ADNP: variants seen among roughly 807,000 people sequenced by gnomAD.
ADNP encodes the protein activity dependent neuroprotector homeobox, also known as activity-dependent neuroprotector homeobox protein.
Under a neutral mutation model 84.9 loss-of-function variants are expected in ADNP, and 4 were observed. That is an observed-to-expected ratio of 0.05 (90% CI 0.02 to 0.11). The LOEUF (loss-of-function observed/expected upper bound fraction) is 0.11, where lower values mean the gene tolerates loss of function less well. Ranked by LOEUF, ADNP falls within the 10% of genes least tolerant of loss-of-function variation. The pLI, the probability that ADNP is intolerant of heterozygous loss-of-function variation, is 1.00. For missense variants in ADNP, 1,132 were observed against 1,326.0 expected (o/e 0.85, Z 2.27); for synonymous variants, 554 against 468.1 (o/e 1.18, Z -2.37).
intron 2 of ADNP, chr20:50,913,939 C>T (rs1034560033): frequency 5.1e-5 from 35 of 681,960 alleles, no homozygotes; most frequent in African/African-American, 1.3e-4. Flanking sequence ...AAAGACTATG[C>T]GAGATTGGTC....
rs1980945363 is a variant in ADNP, at chr20:50,892,910, C to A, written c.1804G>T (p.Asp602Tyr). The A allele has an allele frequency of 1.9e-6, 3 of 1,614,104 alleles. No individual in the cohort carries two copies. The highest frequency in any genetic ancestry group is 2.5e-6 in the Non-Finnish European group (3 of 1,180,062). The change falls in exon 6 of 6, where the codon GAT (aspartate) becomes TAT (tyrosine). Residue 602 changes from aspartate (D) to tyrosine (Y), a missense_variant. Around this residue, in one of 10 missense-constraint regions of ADNP, gnomAD observed 53 missense variants for 39.8 expected, o/e 1.33. Transcript: ENST00000621696. ...KPQPKVQEKA[D>Y]IPVKSSPQAA... is the part of the protein sequence containing the mutation. ...TGAGGTGAACTTTTTACAGGGATAT[C>A]TGCCTTTTCCTGAACCTTTGGCTGT...
Position 50,890,957 on chromosome 20 carries a change from T to C in ADNP, c.*448A>G. On this transcript the variant is annotated 3_prime_UTR_variant, in exon 6 of 6. Transcript: ENST00000621696. ...CTAAAAGACTGTACAAATATACATT[T>C]CAACTATTCAGAATGAATACATGAA... The C allele has an allele frequency of 1.0e-6, 1 of 989,738 alleles. No homozygotes were observed. Among genetic ancestry groups the C allele is most frequent in the African/African-American group, 1.7e-5 (1 of 57,462 alleles). The allele number at this position is 989,738 out of a possible 1,614,324, so 61.3% of individuals were successfully genotyped here.
intron 2 of ADNP, among the ~76,000 whole-genome samples, chr20:50,913,471 T>TG (rs1371985199): frequency 6.6e-6 from 1 of 152,144 alleles, no homozygotes; most frequent in African/African-American, 2.4e-5. Flanking sequence ...TAACCCCCAC[T>TG]GGGGTTTAAG....
intron 2 of ADNP, among the ~76,000 whole-genome samples, chr20:50,910,070 G>A (rs1243204133): frequency 2.0e-5 from 3 of 152,088 alleles, no homozygotes; most frequent in East Asian, 1.9e-4. Context: ...CTGGGCAGGC[G>A]GACACAGAAG....
intron 2 of ADNP, among the ~76,000 whole-genome samples, chr20:50,912,168 AT>A (rs544254919): frequency 6.6e-6 from 1 of 152,010 alleles, no homozygotes; most frequent in South Asian, 2.1e-4. Flanking sequence ...TTCAAACCTT[AT>A]TTTTTTTGAG....
rs970233004 is a variant in ADNP, at chr20:50,902,231, G to C, written c.109-122C>G. The C allele has an allele frequency of 1.3e-5, 9 of 678,424 alleles. No homozygotes were observed. The Admixed American group carries it at 2.5e-4, about 19-fold the overall frequency. 42.0% of individuals were successfully genotyped at this position (678,424 alleles called of 1,614,324 possible). A position where few individuals can be genotyped will look rare whatever the true frequency, so the allele number is the denominator to read the frequency against. ...GCACAGGAAAACCAACGTCAACAAGGACTTAAACTAGGAGTGATAAGGCTC... is the reference window on the plus strand; with the variant it reads ...GCACAGGAAAACCAACGTCAACAAGCACTTAAACTAGGAGTGATAAGGCTC... On this transcript the variant is annotated intron_variant, in intron 4 of 5. Coordinates refer to ENST00000621696, the MANE Select transcript of ADNP (RefSeq NM_001282531.3).
Position 50,892,977 on chromosome 20 carries a change from A to C in ADNP, c.1737T>G (p.Val579=). ...YNLRDAPAES[V]AYHAQNNPPV... The stretch of plus-strand genomic sequence containing the variant: ...GAGGATTATTTTGGGCATGGTAAGC[A>C]ACAGATTCAGCTGGGGCATCCCTCA... Residue 579 remains valine (V), a synonymous_variant, in exon 6 of 6, where the codon GTT becomes GTG. Coordinates refer to ENST00000621696, the MANE Select transcript of ADNP (RefSeq NM_001282531.3). The C allele has an allele frequency of 1.9e-6, 3 of 1,614,220 alleles. No homozygotes were observed. The highest frequency in any genetic ancestry group is 2.5e-6 in the Non-Finnish European group (3 of 1,180,048).
chr20:50,909,363 C>CAAAAAAAAAAAAAAAAAAAAAAAAA lies in ADNP; in HGVS notation c.-89-4539_-89-4515dup, dbSNP rs3069819. 5 of 44,354 alleles carry CAAAAAAAAAAAAAAAAAAAAAAAAA rather than the reference C, an allele frequency of 1.1e-4. 1 individual carries two copies. The highest frequency in any genetic ancestry group is 4.3e-4 in the Admixed American group (1 of 2,340). 2.7% of individuals were successfully genotyped at this position (44,354 alleles called of 1,614,324 possible). The stretch of plus-strand genomic sequence containing the variant: ...GTGGGCGACAAGAGTAAAACTGTCT[C>CAAAAAAAAAAAAAAAAAAAAAAAAA]AAAAAAAAAAAAAAAAAAAAAAAAA... On this transcript the variant is annotated intron_variant, in intron 2 of 5. Transcript: ENST00000621696.
At chr20:50,907,030 C>T (rs1382128410) in intron 2 of ADNP, among the ~76,000 whole-genome samples, 3 of 145,134 alleles carry the variant, frequency 2.1e-5, no homozygotes, top group African/African-American at 5.1e-5. Flanking sequence ...TGCAGTGTCA[C>T]GATCTTGGCT....
chr20:50,896,112 C>A (rs1981363630), intron 5 of ADNP, among the ~76,000 whole-genome samples: 1 of 151,998 alleles, frequency 6.6e-6, no homozygotes, highest in South Asian at 2.1e-4. Flanking sequence ...GTAATCCCAG[C>A]TACTCGGGAG....
intron 2 of ADNP, among the ~76,000 whole-genome samples, chr20:50,913,144 T>A (rs889198000): frequency 1.3e-5 from 2 of 150,214 alleles, no homozygotes; most frequent in Admixed American, 6.7e-5. Flanking sequence ...TCCCAGCTAT[T>A]TGGGAGGCTG....
At chr20:50,923,569 G>A (rs1984096743) in intron 2 of ADNP, among the ~76,000 whole-genome samples, 1 of 152,078 alleles carries the variant, frequency 6.6e-6, no homozygotes, top group Non-Finnish European at 1.5e-5. Context: ...CCAGGCTAGA[G>A]TGCAGTGGTG....
chr20:50,913,172 G>A (rs1983197865), intron 2 of ADNP, among the ~76,000 whole-genome samples: 1 of 135,720 alleles, frequency 7.4e-6, no homozygotes, highest in African/African-American at 2.7e-5. Context: ...AGAATCGTTT[G>A]AACCTAGGAG....
In ADNP at chr20:50,890,630, A is replaced by G. The variant is rs978298234; in HGVS notation, c.*775T>C. 6.5e-6 allele frequency: 1 copy of G among 152,742 alleles called. No individual in the cohort carries two copies. Among genetic ancestry groups the G allele is most frequent in the African/African-American group, 2.4e-5 (1 of 41,468 alleles). 9.5% of individuals were successfully genotyped at this position (152,742 alleles called of 1,614,324 possible). A position where few individuals can be genotyped will look rare whatever the true frequency, so the allele number is the denominator to read the frequency against. On this transcript the variant is annotated 3_prime_UTR_variant, in exon 6 of 6. Coordinates refer to ENST00000621696, the MANE Select transcript of ADNP (RefSeq NM_001282531.3). ...TGATTTTAGCTTAAAAGATTTCAGAAAACAGATCTGAAATACCAGTTTTTG... is the reference window on the plus strand; with the variant it reads ...TGATTTTAGCTTAAAAGATTTCAGAGAACAGATCTGAAATACCAGTTTTTG...
At chr20:50,928,109 A>C (rs926284000) in intron 2 of ADNP, among the ~76,000 whole-genome samples, 1 of 152,198 alleles carries the variant, frequency 6.6e-6, no homozygotes, top group Non-Finnish European at 1.5e-5. Flanking sequence ...TCACTCACCA[A>C]AATGTTACCT....
At chr20:50,913,264 A>AAAAAAAAAAG (rs1983220679) in intron 2 of ADNP, among the ~76,000 whole-genome samples, 1 of 120,260 alleles carries the variant, frequency 8.3e-6, no homozygotes, top group African/African-American at 3.4e-5. Context: ...AAAAAAAAAA[A>AAAAAAAAAAG]AAAAAAAAAA....
chr20:50,919,287 A>ACATATAT (rs776823194), intron 2 of ADNP, among the ~76,000 whole-genome samples: 1,522 of 128,024 alleles, frequency 0.012, 52 homozygotes, highest in African/African-American at 0.021. Context: ...ACATATATTT[A>ACATATAT]AGTGTATATA....
chr20:50,908,863 G>C (rs1982755201), intron 2 of ADNP, among the ~76,000 whole-genome samples: 1 of 152,112 alleles, frequency 6.6e-6, no homozygotes. Context: ...GGTGGGAACA[G>C]AATAGATAAG....
chr20:50,925,875 C>T (rs1339921404), intron 2 of ADNP, among the ~76,000 whole-genome samples: 4 of 152,202 alleles, frequency 2.6e-5, no homozygotes, highest in East Asian at 1.9e-4. Flanking sequence ...CCAAGGCAGG[C>T]GGATCACCTG....
Sources: gnomAD v4.1 joint callset for allele counts (sites outside exome capture counted in the v4.1 genomes callset) on GRCh38, gnomAD v4.1.1 for gene constraint, gnomAD v4.1.1 regional missense constraint, MANE v1.5 for transcripts, NCBI Gene and HGNC (gene_info 2026-07-23, HGNC 2026-07-21) for gene names.